ADAM23: variants seen among roughly 807,000 people sequenced by gnomAD.
ADAM23 encodes the protein ADAM metallopeptidase domain 23, also known as disintegrin and metalloproteinase domain-containing protein 23.
ADAM23 carries 33 observed loss-of-function variants against 120.1 expected under a neutral mutation model. The ratio of observed to expected loss-of-function variants is 0.27; its 90% CI spans 0.21 to 0.37. The LOEUF (loss-of-function observed/expected upper bound fraction) is 0.37. Among genes scored for constraint, ADAM23 ranks in the 10% least tolerant of loss-of-function variants. The pLI is 1.00. For missense variants in ADAM23, 862 were observed against 1,058.2 expected (o/e 0.81, Z 2.57); for synonymous variants, 367 against 375.2 (o/e 0.98, Z 0.25).
At chr2:206,533,801 C>T (rs1697121087) in intron 4 of ADAM23, among the ~76,000 whole-genome samples, 1 of 152,090 alleles carries the variant, frequency 6.6e-6, no homozygotes, top group South Asian at 2.1e-4. Context: ...TGCTTCTTTC[C>T]ATGTGAAGCA....
chr2:206,548,129 A>G (rs546281359), intron 7 of ADAM23, 152 bp from the exon 8 acceptor site: 1 of 637,734 alleles, frequency 1.6e-6, no homozygotes, highest in African/African-American at 1.8e-5. Flanking sequence ...CTTTGTGGTC[A>G]TGAGAGTGTG....
At chr2:206,550,999 A>T (rs898974617) in intron 9 of ADAM23, among the ~76,000 whole-genome samples, 4 of 152,196 alleles carry the variant, frequency 2.6e-5, no homozygotes, top group African/African-American at 9.7e-5. Flanking sequence ...CACTTAAAAG[A>T]TATATGAAAA....
Position 206,573,131 on chromosome 2 carries a change from A to C in ADAM23, c.1673A>C (p.Tyr558Ser). Reference sequence around the variant, plus strand: ...GATTTGCAGTTTCAGCCACGAGGGTATGAATGCCGGGATGCTGTGAACGAG... The same window carrying C: ...GATTTGCAGTTTCAGCCACGAGGGTCTGAATGCCGGGATGCTGTGAACGAG... ...NTSCLFQPRGYECRDAVNECD... is the reference protein window; with the variant it reads ...NTSCLFQPRGSECRDAVNECD... Residue 558 changes from tyrosine to serine, a missense_variant, in exon 18 of 26, where the codon TAT (tyrosine) becomes TCT (serine). Around this residue, in one of 4 missense-constraint regions of ADAM23, gnomAD observed 617 missense variants for 813.5 expected, o/e 0.76. Coordinates refer to ENST00000264377, the MANE Select transcript of ADAM23 (RefSeq NM_003812.4). The C allele has an allele frequency of 6.2e-7, 1 of 1,614,038 alleles. No individual in the cohort carries two copies. Among genetic ancestry groups the C allele is most frequent in the South Asian group, 1.1e-5 (1 of 91,078 alleles).
intron 2 of ADAM23, among the ~76,000 whole-genome samples, chr2:206,477,658 A>G (rs1250729033): frequency 6.6e-6 from 1 of 152,008 alleles, no homozygotes; most frequent in East Asian, 1.9e-4. Context: ...ATTACTGAAC[A>G]CATTTCTAAA....
At chr2:206,455,859 T>G (rs897838782) in intron 2 of ADAM23, among the ~76,000 whole-genome samples, 1 of 152,212 alleles carries the variant, frequency 6.6e-6, no homozygotes, top group Admixed American at 6.5e-5. Flanking sequence ...GCCTGGACTT[T>G]GCTGTCCATA....
intron 3 of ADAM23, among the ~76,000 whole-genome samples, chr2:206,519,376 TTC>T (rs1309823992): frequency 6.6e-6 from 1 of 152,178 alleles, no homozygotes; most frequent in Non-Finnish European, 1.5e-5. Context: ...AGAATGAAAA[TTC>T]TGTTTGTTAG....
Position 206,605,233 on chromosome 2 carries a change from A to G in ADAM23, c.2360-4677A>G, listed in dbSNP as rs545153651. 3.9e-5 allele frequency among the ~76,000 whole-genome samples: 6 copies of G among 152,378 alleles called. No individual in the cohort carries two copies. In the East Asian group the frequency reaches 5.8e-4, roughly 15 times the overall value. On this transcript the variant is annotated intron_variant, in intron 24 of 25. Coordinates refer to ENST00000264377, the MANE Select transcript of ADAM23 (RefSeq NM_003812.4). Reference sequence around the variant, plus strand: ...ACAAAAAACAAAATGTCTAAATACTATGACAGAAATCCAAATATTGCAGAC... The same window carrying G: ...ACAAAAAACAAAATGTCTAAATACTGTGACAGAAATCCAAATATTGCAGAC...
chr2:206,482,712 G>T (rs895247391), intron 3 of ADAM23, among the ~76,000 whole-genome samples: 15 of 152,158 alleles, frequency 9.9e-5, no homozygotes, highest in African/African-American at 2.4e-5. Context: ...CTTGGGGGAA[G>T]GTTGATAGAC....
intron 5 of ADAM23, among the ~76,000 whole-genome samples, chr2:206,542,701 A>G (rs1697317908): frequency 6.6e-6 from 1 of 152,180 alleles, no homozygotes; most frequent in Non-Finnish European, 1.5e-5. Context: ...GCCCTTTTAT[A>G]AAAAACCTTA....
chr2:206,607,040 A>T (rs1272867322), intron 24 of ADAM23: 5 of 152,198 alleles, frequency 3.3e-5, no homozygotes, highest in African/African-American at 1.2e-4. Flanking sequence ...CCCGGGGACC[A>T]AAATAGCATT....
chr2:206,616,827 G>A (rs1698942613), intron 25 of ADAM23, among the ~76,000 whole-genome samples: 1 of 152,120 alleles, frequency 6.6e-6, no homozygotes, highest in South Asian at 2.1e-4. Flanking sequence ...AACTTTTACT[G>A]TTGCCTTGTA....
rs562168162 is a variant in ADAM23, at chr2:206,617,750, C to T, written c.*123C>T. On this transcript the variant is annotated 3_prime_UTR_variant, in exon 26 of 26. Coordinates refer to ENST00000264377, the MANE Select transcript of ADAM23 (RefSeq NM_003812.4). Reference sequence around the variant, plus strand: ...CCTTTGGGTGGTAATGACTACGGAGCTAAAGTTGGGGTGACAAGGATGGGG... The same window carrying T: ...CCTTTGGGTGGTAATGACTACGGAGTTAAAGTTGGGGTGACAAGGATGGGG... 2.0e-6 allele frequency: 3 copies of T among 1,508,012 alleles called. No individual in the cohort carries two copies. Among genetic ancestry groups the T allele is most frequent in the African/African-American group, 1.4e-5 (1 of 72,094 alleles). The allele number at this position is 1,508,012 out of a possible 1,614,324, so 93.4% of individuals were successfully genotyped here. A position where few individuals can be genotyped will look rare whatever the true frequency, so the allele number is the denominator to read the frequency against.
chr2:206,548,172 C>T, intron 7 of ADAM23, 109 bp from the exon 8 acceptor site: 2 of 944,576 alleles, frequency 2.1e-6, no homozygotes, highest in Non-Finnish European at 3.2e-6. Flanking sequence ...TTTTTTTCAC[C>T]TTAGTTTGAC....
At position 206,567,265 on chromosome 2, in the gene ADAM23, G is replaced by A; in HGVS notation, c.1437G>A (p.Glu479=). 6.2e-7 allele frequency: 1 copy of A among 1,613,970 alleles called. No individual in the cohort carries two copies. Among genetic ancestry groups the A allele is most frequent in the African/African-American group, 1.3e-5 (1 of 75,042 alleles). The change falls in exon 15 of 26, where the codon GAG becomes GAA. Residue 479 remains glutamate (E), a synonymous_variant. Transcript: ENST00000264377. ...AATTTTCAAAGTGCAGCATTTTGGA[G>A]TATAGAGACTTTTTACAGAGAGGAG... is the stretch of plus-strand genomic sequence containing the variant. ...SRKFSKCSIL[E]YRDFLQRGGG...
chr2:206,533,834 A>C (rs975177790), intron 4 of ADAM23, among the ~76,000 whole-genome samples: 1 of 152,240 alleles, frequency 6.6e-6, no homozygotes, highest in Non-Finnish European at 1.5e-5. Flanking sequence ...CGAGAGGTCC[A>C]AAAGAAGCGT....
At chr2:206,515,583 A>G (rs1483579365) in intron 3 of ADAM23, among the ~76,000 whole-genome samples, 1 of 152,162 alleles carries the variant, frequency 6.6e-6, no homozygotes, top group Non-Finnish European at 1.5e-5. Context: ...TTTTGGTAAT[A>G]AAGTCAGATA....
chr2:206,585,158 G>A (rs1248098787), intron 18 of ADAM23, among the ~76,000 whole-genome samples: 1 of 152,146 alleles, frequency 6.6e-6, no homozygotes, highest in African/African-American at 2.4e-5. Flanking sequence ...AGTCCATCTG[G>A]AGCTAAAATT....
chr2:206,573,133 G>C lies in ADAM23; in HGVS notation c.1675G>C (p.Glu559Gln). 1 of 1,614,026 alleles carries C rather than the reference G, an allele frequency of 6.2e-7. No homozygotes were observed. Among genetic ancestry groups the C allele is most frequent in the Non-Finnish European group, 8.5e-7 (1 of 1,179,906 alleles). ...TTTGCAGTTTCAGCCACGAGGGTAT[G>C]AATGCCGGGATGCTGTGAACGAGTG... ...TSCLFQPRGY[E>Q]CRDAVNECDI... Residue 559 changes from glutamate (E) to glutamine (Q), a missense_variant, in exon 18 of 26, where the codon GAA becomes CAA. Physicochemically the swap from Glu to Gln is conservative, Grantham distance 29. Transcript: ENST00000264377.
At chr2:206,595,560 G>A (rs1698508436) in intron 23 of ADAM23, among the ~76,000 whole-genome samples, 1 of 152,112 alleles carries the variant, frequency 6.6e-6, no homozygotes, top group African/African-American at 2.4e-5. Flanking sequence ...GTAACGGTGA[G>A]GTCATACAAG....
Sources: allele counts gnomAD v4.1 joint callset (sites outside exome capture counted in the v4.1 genomes callset), GRCh38; gene constraint gnomAD v4.1.1; regional missense constraint gnomAD v4.1.1; transcripts MANE v1.5; gene names NCBI Gene and HGNC (gene_info 2026-07-23, HGNC 2026-07-21).